The following MYO5B variants were observed in gnomAD, a reference collection of about 807,000 sequenced individuals.
The protein encoded by MYO5B is myosin VB.
In MYO5B, 143 loss-of-function variants were observed where a neutral mutation model predicts 229.3. That is an observed-to-expected ratio of 0.62 (90% CI 0.54 to 0.72). MYO5B has a LOEUF of 0.72. Among genes scored for constraint, MYO5B ranks in the 30% least tolerant of loss-of-function variants. MYO5B has a pLI of 0.00. For synonymous variants in MYO5B, 918 were observed against 885.2 expected (o/e 1.04, Z -0.66); for missense variants, 2,321 against 2,331.0 (o/e 1.00, Z 0.09).
intron 29 of MYO5B, among the ~76,000 whole-genome samples, chr18:49,862,055 T>C (rs1216277414): frequency 6.9e-6 from 1 of 145,648 alleles, no homozygotes; most frequent in East Asian, 2.1e-4. Flanking sequence ...TGGAGTGCAA[T>C]GGCATGATCT....
intron 5 of MYO5B, among the ~76,000 whole-genome samples, chr18:49,994,611 G>A (rs953155442): frequency 2.0e-5 from 3 of 152,162 alleles, no homozygotes; most frequent in African/African-American, 4.8e-5. Context: ...GCTAGAGCCC[G>A]GCCAGCCTGA....
chr18:50,103,761 CA>C (rs1450636308), intron 1 of MYO5B, among the ~76,000 whole-genome samples: 1 of 151,406 alleles, frequency 6.6e-6, no homozygotes, highest in African/African-American at 2.4e-5. Flanking sequence ...CCCACCAAAA[CA>C]AAAAACAGAT....
At chr18:50,157,653 G>C (rs1193321574) in intron 1 of MYO5B, among the ~76,000 whole-genome samples, 2 of 152,098 alleles carry the variant, frequency 1.3e-5, no homozygotes, top group Non-Finnish European at 2.9e-5. Flanking sequence ...TCTCAGAGAG[G>C]TCAAGTTGAT....
rs1355364329 is a variant in MYO5B at position 49,937,297 on chromosome 18, C to A, written c.1853G>T (p.Arg618Ile). 2.5e-6 allele frequency: 4 copies of A among 1,614,018 alleles called. No homozygotes were observed. The African/African-American group carries it at 4.0e-5, about 16-fold the overall frequency. Residue 618 changes from arginine to isoleucine, a missense_variant, in exon 15 of 40, where the codon AGA becomes ATA. Arg to Ile is a moderately conservative substitution (Grantham distance 97). Transcript: ENST00000285039. ...CTTGTTGGAGACTTTCATGGGGGGT[C>A]TGGCAGAACGGACGCTGATCTTCGA... is the stretch of plus-strand genomic sequence containing the variant. ...SSSKISVRSA[R>I]PPMKVSNKEH...
chr18:49,851,109 T>C (rs1046847632), intron 31 of MYO5B: 1 of 152,212 alleles, frequency 6.6e-6, no homozygotes, highest in African/African-American at 2.4e-5. Context: ...CAATAAATGC[T>C]CTAATGCCTA....
chr18:49,855,561 G>C (rs565532361), intron 30 of MYO5B, among the ~76,000 whole-genome samples: 2 of 152,326 alleles, frequency 1.3e-5, no homozygotes, highest in Non-Finnish European at 2.9e-5. Flanking sequence ...TAATAACCAT[G>C]ATAGTAATAG....
chr18:50,107,229 T>C (rs1290741371), intron 1 of MYO5B, among the ~76,000 whole-genome samples: 1 of 144,696 alleles, frequency 6.9e-6, no homozygotes, highest in Non-Finnish European at 1.5e-5. Flanking sequence ...CACTTGAAAG[T>C]GATTCTCCTG....
intron 2 of MYO5B, among the ~76,000 whole-genome samples, chr18:50,048,083 T>TATA (rs35442968): frequency 4.0e-5 from 6 of 148,286 alleles, no homozygotes; most frequent in African/African-American, 1.5e-4. Flanking sequence ...AACCTTTAAG[T>TATA]ATAATAATAA....
At chr18:50,103,996 C>T (rs956003087) in intron 1 of MYO5B, among the ~76,000 whole-genome samples, 1 of 123,940 alleles carries the variant, frequency 8.1e-6, no homozygotes, top group Non-Finnish European at 1.6e-5. Context: ...ATCCCATCTC[C>T]ATTAAAAAAA....
chr18:50,135,111 C>T (rs1373861493), intron 1 of MYO5B, among the ~76,000 whole-genome samples: 2 of 152,208 alleles, frequency 1.3e-5, no homozygotes, highest in Non-Finnish European at 2.9e-5. Flanking sequence ...GTCTATTTCT[C>T]CTGACCCAAC....
chr18:50,188,245 C>T (rs969861307), intron 1 of MYO5B, among the ~76,000 whole-genome samples: 1 of 152,114 alleles, frequency 6.6e-6, no homozygotes, highest in African/African-American at 2.4e-5. Flanking sequence ...TCTTTACAGC[C>T]TCCTCATGCA....
At chr18:50,186,660 C>T (rs1161151267) in intron 1 of MYO5B, among the ~76,000 whole-genome samples, 1 of 152,204 alleles carries the variant, frequency 6.6e-6, no homozygotes, top group African/African-American at 2.4e-5. Context: ...AGCATGGTGA[C>T]TGGAGGGAGA....
intron 9 of MYO5B, among the ~76,000 whole-genome samples, 181 bp downstream of exon 9, chr18:49,980,263 A>G (rs1672630098): frequency 6.6e-6 from 1 of 152,220 alleles, no homozygotes; most frequent in Admixed American, 6.5e-5. Context: ...CAGAAACTTG[A>G]TGGCAGCTGA....
intron 8 of MYO5B, among the ~76,000 whole-genome samples, chr18:49,981,993 C>G (rs1460631193): frequency 2.0e-5 from 3 of 152,072 alleles, no homozygotes; most frequent in Non-Finnish European, 4.4e-5. Flanking sequence ...AAGTCAAGTC[C>G]CATTGAAAGT....
chr18:50,076,380 G>A (rs545611274), intron 1 of MYO5B, among the ~76,000 whole-genome samples: 1 of 152,288 alleles, frequency 6.6e-6, no homozygotes, highest in South Asian at 2.1e-4. Context: ...AGCCACCAAA[G>A]ACACATGACT....
chr18:50,054,542 C>A (rs549587399), intron 2 of MYO5B, among the ~76,000 whole-genome samples: 2 of 152,308 alleles, frequency 1.3e-5, no homozygotes, highest in East Asian at 3.9e-4. Context: ...GGGTGAGCAT[C>A]CATTATTTGT....
intron 2 of MYO5B, among the ~76,000 whole-genome samples, chr18:50,044,075 A>G (rs2030151058): frequency 6.6e-6 from 1 of 152,206 alleles, no homozygotes; most frequent in Non-Finnish European, 1.5e-5. Context: ...AGGCAAACAC[A>G]CATGCAGTTT....
chr18:49,927,348 C>A (rs1188144305), intron 17 of MYO5B, among the ~76,000 whole-genome samples: 1 of 122,078 alleles, frequency 8.2e-6, no homozygotes, highest in East Asian at 2.4e-4. Flanking sequence ...TACCATATTT[C>A]TTCACAGAAC....
Position 49,843,375 on chromosome 18 carries a change from G to C in MYO5B, c.4477C>G (p.Leu1493Val). ...NLVTDLKPQM[L>V]SGTVPCLPAY... ...GGGAGACAGGGCACTGTGCCCGACA[G>C]CATCTGGGGCTTCAAGTCTAAGGGC... The change falls in exon 34 of 40, where the codon CTG (leucine) becomes GTG (valine). Residue 1493 changes from leucine (L) to valine (V), a missense_variant. Leu to Val is a conservative substitution (Grantham distance 32). Around this residue, in one of 2 missense-constraint regions of MYO5B, gnomAD observed 2,113 missense variants for 2,044.7 expected, o/e 1.03. Transcript: ENST00000285039. 6.2e-7 allele frequency: 1 copy of C among 1,614,202 alleles called. No homozygotes were observed. The highest frequency in any genetic ancestry group is 1.3e-5 in the African/African-American group (1 of 75,048).
Sources: gnomAD v4.1 joint callset for allele counts (sites outside exome capture counted in the v4.1 genomes callset) on GRCh38, gnomAD v4.1.1 for gene constraint, gnomAD v4.1.1 regional missense constraint, MANE v1.5 for transcripts, NCBI Gene and HGNC (gene_info 2026-07-23, HGNC 2026-07-21) for gene names.